Variants in MAML2 observed in about 807,000 individuals in gnomAD.
MAML2 encodes mastermind-like protein 2.
A neutral mutation model predicts 96.1 loss-of-function variants in MAML2; 22 were observed. The observed-to-expected ratio is 0.23, with a 90% CI of 0.16 to 0.33. MAML2 has a LOEUF of 0.33. Ranked by LOEUF, MAML2 falls within the 10% of genes least tolerant of loss-of-function variation. The pLI, the probability that MAML2 is intolerant of heterozygous loss-of-function variation, is 1.00. For synonymous variants in MAML2, 561 were observed against 521.3 expected, an observed-to-expected ratio of 1.08 and a Z score of -1.04; for missense variants, 1,367 against 1,392.4, an observed-to-expected ratio of 0.98 and a Z score of 0.29.
At chr11:96,034,622 C>T (rs1459631935) in intron 2 of MAML2, among the ~76,000 whole-genome samples, 1 of 152,102 alleles carries the variant, frequency 6.6e-6, no homozygotes, top group African/African-American at 2.4e-5. Context: ...AGACTTGAAG[C>T]TTTTCAAATT....
intron 1 of MAML2, among the ~76,000 whole-genome samples, chr11:96,118,256 G>T (rs746145167): frequency 3.9e-5 from 6 of 152,114 alleles, no homozygotes; most frequent in Non-Finnish European, 7.4e-5. Flanking sequence ...CCAGCTATAC[G>T]GTTTGGCTCT....
chr11:96,240,504 T>C (rs974867620), intron 1 of MAML2, among the ~76,000 whole-genome samples: 74 of 125,018 alleles, frequency 5.9e-4, no homozygotes, highest in African/African-American at 2.0e-3. Flanking sequence ...TGAGCCGAGA[T>C]TGCGCCACTG....
intron 1 of MAML2, among the ~76,000 whole-genome samples, chr11:96,137,066 T>G (rs893654339): frequency 7.2e-5 from 11 of 152,280 alleles, no homozygotes; most frequent in Non-Finnish European, 1.2e-4. Context: ...TCTTTCAGTG[T>G]CGTCAATTTT....
In MAML2 at chr11:96,225,832, CA is replaced by C. The variant is rs36112117; in HGVS notation, c.513+115550del. ...TGGGTGACAGAGCGAGACACTATCTCAAAAAAAAAAAATTAGATAACCAATA... is the reference window on the plus strand; with the variant it reads ...TGGGTGACAGAGCGAGACACTATCTCAAAAAAAAAAATTAGATAACCAATA... On this transcript the variant is annotated intron_variant, in intron 1 of 4. Transcript: ENST00000524717. Among the ~76,000 whole-genome samples, 227 of 144,970 alleles carry C rather than the reference CA, an allele frequency of 1.6e-3. 1 individual carries two copies. The highest frequency in any genetic ancestry group is 3.4e-3 in the East Asian group (17 of 4,980).
At chr11:96,231,804 T>C (rs551173) in intron 1 of MAML2, among the ~76,000 whole-genome samples, 141,229 of 152,202 alleles carry the variant, frequency 0.93, 65,748 homozygotes, top group African/African-American at 0.97. Context: ...CTACCCAGTC[T>C]TGTGGGCAGG....
chr11:96,106,226 T>A (rs1353794162), intron 1 of MAML2, among the ~76,000 whole-genome samples: 1 of 152,244 alleles, frequency 6.6e-6, no homozygotes, highest in Non-Finnish European at 1.5e-5. Context: ...ATTCTTCATG[T>A]GTGGCCATAT....
intron 1 of MAML2, among the ~76,000 whole-genome samples, chr11:96,242,620 T>C (rs961401263): frequency 3.3e-5 from 5 of 152,084 alleles, no homozygotes; most frequent in Admixed American, 2.0e-4. Flanking sequence ...GCTCAGTTCA[T>C]GAAAGCCATC....
chr11:96,192,271 A>G lies in MAML2; in HGVS notation c.514-98754T>C, dbSNP rs143964191. On this transcript the variant is annotated intron_variant, in intron 1 of 4. Transcript: ENST00000524717. ...TCTGGGAAGAATGCGATTTGCTCTC[A>G]CTTTTGAGAAAAGGTGCATGCAACA... Among the ~76,000 whole-genome samples the G allele has an allele frequency of 1.1e-4, 17 of 152,298 alleles. 1 individual carries two copies. Among genetic ancestry groups the G allele is most frequent in the Middle Eastern group, 6.8e-3 (2 of 294 alleles).
At chr11:96,339,695 A>G (rs1863966621) in intron 1 of MAML2, among the ~76,000 whole-genome samples, 1 of 152,158 alleles carries the variant, frequency 6.6e-6, no homozygotes, top group Admixed American at 6.5e-5. Flanking sequence ...CAGATTATAA[A>G]TTTACTGGGG....
chr11:96,231,461 G>A (rs1310206983), intron 1 of MAML2, among the ~76,000 whole-genome samples: 1 of 152,132 alleles, frequency 6.6e-6, no homozygotes, highest in Non-Finnish European at 1.5e-5. Flanking sequence ...AATCAATCAC[G>A]TAATATTTAG....
At chr11:96,149,093 A>C (rs1029152512) in intron 1 of MAML2, among the ~76,000 whole-genome samples, 1 of 152,086 alleles carries the variant, frequency 6.6e-6, no homozygotes, top group African/African-American at 2.4e-5. Context: ...CATGTGCCTC[A>C]TCCACGGTAT....
chr11:96,092,710 C>T lies in MAML2; in HGVS notation c.1321G>A (p.Ala441Thr), dbSNP rs1469691614. 1 of 1,613,988 alleles carries T rather than the reference C, an allele frequency of 6.2e-7. No homozygotes were observed. The highest frequency in any genetic ancestry group is 8.5e-7 in the Non-Finnish European group (1 of 1,179,912). Reference protein sequence around the residue: ...SHAQQLKQIAANRQQHARMQQ... With the variant: ...SHAQQLKQIATNRQQHARMQQ... ...ATCCGGGCATGCTGCTGACGATTAG[C>T]AGCTATCTGTTTGAGCTGCTGGGCA... Residue 441 changes from alanine (A) to threonine (T), a missense_variant, in exon 2 of 5, where the codon GCT becomes ACT. Transcript: ENST00000524717. This position sits in a 1 kb window ranked among gnomAD's most constrained non-coding sequence, Gnocchi z 4.1.
intron 1 of MAML2, among the ~76,000 whole-genome samples, chr11:96,205,627 C>T (rs1388998566): frequency 5.9e-5 from 9 of 152,204 alleles, no homozygotes; most frequent in African/African-American, 2.2e-4. Flanking sequence ...GCCTATGTAG[C>T]TCACAGGCTG....
Position 96,341,364 on chromosome 11 carries a change from G to A in MAML2, c.513+19C>T. On this transcript the variant is annotated intron_variant, in intron 1 of 4. Coordinates refer to ENST00000524717, the MANE Select transcript of MAML2 (RefSeq NM_032427.4). ...GTCACAGGACCACAGCCAGAACCAT[G>A]AGAAAGCCAGGTGCTTACCGCAATC... is the stretch of plus-strand genomic sequence containing the variant. The A allele has an allele frequency of 2.0e-6, 3 of 1,500,466 alleles. No homozygotes were observed. Among genetic ancestry groups the A allele is most frequent in the Non-Finnish European group, 2.7e-6 (3 of 1,118,204 alleles). 92.9% of individuals were successfully genotyped at this position (1,500,466 alleles called of 1,614,324 possible). A position where few individuals can be genotyped will look rare whatever the true frequency, so the allele number is the denominator to read the frequency against.
At chr11:96,279,909 A>T (rs980978004) in intron 1 of MAML2, among the ~76,000 whole-genome samples, 68 of 152,250 alleles carry the variant, frequency 4.5e-4, no homozygotes, top group African/African-American at 1.6e-3. Flanking sequence ...GAAGTCACAG[A>T]TTAAATGGTA....
intron 1 of MAML2, among the ~76,000 whole-genome samples, chr11:96,180,361 G>A (rs1422826818): frequency 6.6e-6 from 1 of 152,178 alleles, no homozygotes; most frequent in African/African-American, 2.4e-5. Context: ...GTAATGCTCT[G>A]TGACTTCCAA....
At chr11:96,015,131 G>T (rs978024960) in intron 2 of MAML2, among the ~76,000 whole-genome samples, 1 of 152,148 alleles carries the variant, frequency 6.6e-6, no homozygotes, top group Non-Finnish European at 1.5e-5. Context: ...TGACTCCAGA[G>T]CCCTGCCATA....
chr11:96,010,188 A>G (rs917508791), intron 2 of MAML2, among the ~76,000 whole-genome samples: 1 of 152,220 alleles, frequency 6.6e-6, no homozygotes. Context: ...TTTACATTCT[A>G]TATCCTAATT....
intron 2 of MAML2, among the ~76,000 whole-genome samples, chr11:96,053,930 T>C (rs1436330279): frequency 6.6e-6 from 1 of 152,150 alleles, no homozygotes; most frequent in African/African-American, 2.4e-5. Context: ...GACTCAGAAA[T>C]GGAAATGGAG....
Sources: gnomAD v4.1 joint callset for allele counts (sites outside exome capture counted in the v4.1 genomes callset) on GRCh38, gnomAD v4.1.1 for gene constraint, Gnocchi (gnomAD v3.1) non-coding constraint, MANE v1.5 for transcripts, NCBI Gene and HGNC (gene_info 2026-07-23, HGNC 2026-07-21) for gene names.